ANO1: variants seen among roughly 807,000 people sequenced by gnomAD.
ANO1 encodes the protein anoctamin 1.
ANO1 carries 59 observed loss-of-function variants against 124.0 expected under a neutral mutation model. That is an observed-to-expected ratio of 0.48 (90% confidence interval 0.39 to 0.59). The LOEUF (loss-of-function observed/expected upper bound fraction) is 0.59. ANO1 is among the 20% of genes least tolerant of loss of function. ANO1 has a pLI of 0.00. For synonymous variants in ANO1, 529 were observed against 532.0 expected, an observed-to-expected ratio of 0.99 and a Z score of 0.08; for missense variants, 1,059 against 1,328.0, an observed-to-expected ratio of 0.80 and a Z score of 3.15.
rs918437850 is a variant in ANO1 at position 70,167,350 on chromosome 11, G to T, written c.2160G>T (p.Glu720Asp). The T allele has an allele frequency of 6.2e-7, 1 of 1,613,510 alleles. No individual in the cohort carries two copies. Among genetic ancestry groups the T allele is most frequent in the Admixed American group, 1.7e-5 (1 of 59,952 alleles). ...KQRYEVDYNL[E>D]PFAGLTPEYM... Reference sequence around the variant, plus strand: ...GGTACGAGGTGGATTACAACCTGGAGCCCTTCGCGGGCCTCACCCCAGAGT... The same window carrying T: ...GGTACGAGGTGGATTACAACCTGGATCCCTTCGCGGGCCTCACCCCAGAGT... Residue 720 changes from glutamate (E) to aspartate (D), a missense_variant, in exon 21 of 26, where the codon GAG (glutamate) becomes GAT (aspartate). Glu to Asp is a conservative substitution (Grantham distance 45). Transcript: ENST00000355303.
At chr11:70,029,994 C>T (rs556855455) in intron 1 of ANO1, among the ~76,000 whole-genome samples, 2 of 152,342 alleles carry the variant, frequency 1.3e-5, no homozygotes, top group African/African-American at 4.8e-5. Context: ...CTGGGGAAGG[C>T]AGGCTGGCAC....
intron 1 of ANO1, among the ~76,000 whole-genome samples, chr11:70,066,725 G>A (rs528326728): frequency 9.9e-5 from 15 of 152,242 alleles, no homozygotes; most frequent in African/African-American, 3.1e-4. Context: ...CCCCTTCAGC[G>A]GCAGGGATGC....
intron 1 of ANO1, among the ~76,000 whole-genome samples, chr11:69,999,546 C>T (rs782730385): frequency 1.3e-5 from 2 of 152,136 alleles, no homozygotes; most frequent in Non-Finnish European, 2.9e-5. Flanking sequence ...TGCTAGGTTC[C>T]GTGCTCACCA....
chr11:70,172,257 C>T (rs934563723), intron 22 of ANO1, among the ~76,000 whole-genome samples: 2 of 151,964 alleles, frequency 1.3e-5, no homozygotes, highest in Non-Finnish European at 2.9e-5. Context: ...GACAGGGTGA[C>T]GATCTGTCCA....
chr11:70,161,821 G>A, intron 18 of ANO1, 88 bp downstream of exon 18: 2 of 1,329,510 alleles, frequency 1.5e-6, no homozygotes, highest in South Asian at 1.2e-5. Context: ...GGCACCTGGA[G>A]CCCAGGGCAG....
At position 70,156,919 on chromosome 11, in the gene ANO1, C is replaced by T. The variant is rs772961538; in HGVS notation, c.1504-28C>T. Reference sequence around the variant, plus strand: ...GATGTCTCATCGTGATGGTTCCAGACAGTGACCGGCATTGTTTTGTGTTGT... The same window carrying T: ...GATGTCTCATCGTGATGGTTCCAGATAGTGACCGGCATTGTTTTGTGTTGT... On this transcript the variant is annotated intron_variant, in intron 15 of 25. Transcript: ENST00000355303. 27 of 1,607,904 alleles carry T rather than the reference C, an allele frequency of 1.7e-5. No individual in the cohort carries two copies. In the Admixed American group the frequency reaches 3.2e-4, roughly 19 times the overall value.
chr11:70,146,418 T>G lies in ANO1; in HGVS notation c.1259-3292T>G, dbSNP rs115320726. ...TGTTGTTATGCTGCAAGCTGGCCAGTGCAGAGAGGGCGAGCCGGAGCGGTA... is the reference window on the plus strand; with the variant it reads ...TGTTGTTATGCTGCAAGCTGGCCAGGGCAGAGAGGGCGAGCCGGAGCGGTA... On this transcript the variant is annotated intron_variant, in intron 11 of 25. Transcript: ENST00000355303. Among the ~76,000 whole-genome samples, 787 of 152,054 alleles carry G rather than the reference T, an allele frequency of 5.2e-3. 6 individuals are homozygous for G. Among genetic ancestry groups the G allele is most frequent in the African/African-American group, 0.018 (766 of 41,470 alleles).
chr11:70,009,001 G>A (rs1555000575), intron 1 of ANO1, among the ~76,000 whole-genome samples: 2 of 152,188 alleles, frequency 1.3e-5, no homozygotes, highest in African/African-American at 2.4e-5. Context: ...AGAGTTTCCA[G>A]GCAGACTAAG....
At chr11:69,982,469 G>C (rs1381835437), upstream of ANO1, among the ~76,000 whole-genome samples, 1 of 152,190 alleles carries the variant, frequency 6.6e-6, no homozygotes, top group Non-Finnish European at 1.5e-5. Flanking sequence ...GCCTCCACCT[G>C]CATTTCAGTG....
At chr11:70,119,123 G>C (rs111211130) in intron 8 of ANO1, among the ~76,000 whole-genome samples, 6 of 150,282 alleles carry the variant, frequency 4.0e-5, no homozygotes, top group African/African-American at 1.5e-4. Flanking sequence ...ATGGATGATG[G>C]GTGAGTGGGT....
chr11:70,139,526 G>C (rs556795002), intron 11 of ANO1, among the ~76,000 whole-genome samples: 2 of 152,234 alleles, frequency 1.3e-5, no homozygotes, highest in South Asian at 4.1e-4. Flanking sequence ...GTTTCACCAT[G>C]TTGGCCAGGC....
chr11:70,186,352 G>GAGGAAAGGAAGGAAGGAAGGAAGGAAGGA, intron 25 of ANO1, among the ~76,000 whole-genome samples: 1 of 126,822 alleles, frequency 7.9e-6, no homozygotes, highest in South Asian at 2.8e-4. Context: ...GAGGGGGAGG[G>GAGGAAAGGAAGGAAGGAAGGAAGGAAGGA]AGGAAGGAAG....
At chr11:70,155,605 C>A (rs17423765) in intron 14 of ANO1, among the ~76,000 whole-genome samples, 15,359 of 152,252 alleles carry the variant, frequency 0.1, 930 homozygotes, top group Middle Eastern at 0.18. Context: ...TTGGCCACTA[C>A]CTCCCGCTGG....
At position 70,085,411 on chromosome 11, in the gene ANO1, G is replaced by A. The variant is rs191949479; in HGVS notation, c.109-2341G>A. 1,312 of 1,521,836 alleles carry A rather than the reference G, an allele frequency of 8.6e-4. 15 individuals carry two copies. The African/African-American group carries it at 0.016, about 19-fold the overall frequency. The allele number at this position is 1,521,836 out of a possible 1,614,324, so 94.3% of individuals were successfully genotyped here. A position where few individuals can be genotyped will look rare whatever the true frequency, so the allele number is the denominator to read the frequency against. ...TTGTCACAGAGGGCAAGGTGGGCGGGGCACGCACACTGAGTCCAGGTCCTC... is the reference window on the plus strand; with the variant it reads ...TTGTCACAGAGGGCAAGGTGGGCGGAGCACGCACACTGAGTCCAGGTCCTC... On this transcript the variant is annotated intron_variant, in intron 1 of 25. Transcript: ENST00000355303.
In ANO1 at chr11:70,139,934, A is replaced by C. The variant is rs116806964; in HGVS notation, c.1258+7855A>C. Among the ~76,000 whole-genome samples the C allele has an allele frequency of 6.0e-3, 918 of 152,132 alleles. 19 individuals carry two copies. Among genetic ancestry groups the C allele is most frequent in the African/African-American group, 0.021 (854 of 41,496 alleles). ...TGCCTTGCTTGTTCCTGACTGGATT[A>C]CCTCCAAGTTTTTCTCTCACCTAGA... On this transcript the variant is annotated intron_variant, in intron 11 of 25. Transcript: ENST00000355303.
At chr11:70,129,140 G>T (rs2046641918) in intron 10 of ANO1, among the ~76,000 whole-genome samples, 1 of 152,240 alleles carries the variant, frequency 6.6e-6, no homozygotes, top group Non-Finnish European at 1.5e-5. Context: ...CAGAAGAGAG[G>T]AGGCTGAGTG....
intron 1 of ANO1, among the ~76,000 whole-genome samples, chr11:70,055,766 G>A (rs530289837): frequency 5.3e-5 from 8 of 151,662 alleles, no homozygotes; most frequent in South Asian, 2.1e-4. Flanking sequence ...CCGACTTTTC[G>A]GTTAATCAAT....
intron 23 of ANO1, among the ~76,000 whole-genome samples, chr11:70,180,530 C>T (rs1360775108): frequency 6.6e-6 from 1 of 152,196 alleles, no homozygotes; most frequent in Admixed American, 6.5e-5. Context: ...TCCTCGGCCT[C>T]CCAAAGTGCT....
chr11:70,128,918 C>T (rs1304095191), intron 10 of ANO1, among the ~76,000 whole-genome samples: 2 of 152,232 alleles, frequency 1.3e-5, no homozygotes, highest in Non-Finnish European at 2.9e-5. Context: ...TTGGTGTACG[C>T]CTTGGCCCTG....
Sources: allele counts gnomAD v4.1 joint callset (sites outside exome capture counted in the v4.1 genomes callset), GRCh38; gene constraint gnomAD v4.1.1; transcripts MANE v1.5; gene names NCBI Gene and HGNC (gene_info 2026-07-23, HGNC 2026-07-21).